Variants in DCAKD observed in about 807,000 individuals in gnomAD.
DCAKD encodes the protein dephospho-CoA kinase domain-containing protein.
DCAKD carries 15 observed loss-of-function variants against 18.7 expected under a neutral mutation model. That is an observed-to-expected ratio of 0.80 (90% confidence interval 0.54 to 1.24). DCAKD has a LOEUF of 1.24. Among genes scored for constraint, DCAKD ranks in the 50% most tolerant of loss-of-function variants. DCAKD has a pLI of 0.00. For missense variants in DCAKD, 301 were observed against 322.0 expected, an observed-to-expected ratio of 0.93 and a Z score of 0.50; for synonymous variants, 130 against 133.0, an observed-to-expected ratio of 0.98 and a Z score of 0.16.
At chr17:45,034,065 A>T in intron 3 of DCAKD, 122 bp downstream of exon 3, 1 of 1,599,206 alleles carries the variant, frequency 6.3e-7, no homozygotes, top group Non-Finnish European at 8.5e-7. Flanking sequence ...GATGCCAGTA[A>T]GCAGTATGAA....
chr17:45,054,255 T>TA (rs2053757013), upstream of DCAKD: 3 of 327,906 alleles, frequency 9.1e-6, no homozygotes, highest in South Asian at 2.6e-5. Context: ...GTTTTATTTA[T>TA]TTTTTTTTTT....
At chr17:45,025,062 C>T (rs565568925) in intron 4 of DCAKD, among the ~76,000 whole-genome samples, 1 of 143,410 alleles carries the variant, frequency 7.0e-6, no homozygotes, top group South Asian at 2.2e-4. Flanking sequence ...TGCTACTAGA[C>T]CTGACATTCC....
intron 3 of DCAKD, 86 bp from the exon 4 acceptor site, chr17:45,030,265 C>A: frequency 5.5e-6 from 7 of 1,276,302 alleles, no homozygotes; most frequent in East Asian, 2.3e-5. Context: ...CCGTCCAGAG[C>A]GCCCAGCAGA....
intron 1 of DCAKD, among the ~76,000 whole-genome samples, chr17:45,058,043 G>A (rs1240451679): frequency 1.4e-5 from 2 of 144,216 alleles, no homozygotes; most frequent in Admixed American, 7.0e-5. Flanking sequence ...GCCTGGGCGT[G>A]GTGGCTCACA....
Position 45,024,401 on chromosome 17 carries a change from G to A in DCAKD, c.*32C>T, listed in dbSNP as rs760023624. 1 of 1,572,394 alleles carries A rather than the reference G, an allele frequency of 6.4e-7. No homozygotes were observed. Among genetic ancestry groups the A allele is most frequent in the Non-Finnish European group, 8.7e-7 (1 of 1,153,750 alleles). On this transcript the variant is annotated 3_prime_UTR_variant, in exon 5 of 5. Transcript: ENST00000651974. ...GCTTCAGCCTCCAAGGAGATAGATG[G>A]AGGCCTGGGGCTCCCTGCCTTGAGT...
chr17:45,052,303 A>C (rs912140868), upstream of DCAKD, among the ~76,000 whole-genome samples: 3 of 152,198 alleles, frequency 2.0e-5, no homozygotes, highest in African/African-American at 7.2e-5. Context: ...CAGCCTTGGC[A>C]GAGGTGATCA....
chr17:45,030,182 G>T lies in DCAKD; in HGVS notation c.317-3C>A. 1 of 1,613,802 alleles carries T rather than the reference G, an allele frequency of 6.2e-7. No individual in the cohort carries two copies. Among genetic ancestry groups the T allele is most frequent in the East Asian group, 2.2e-5 (1 of 44,878 alleles). ...ATCCAGAATCACGTAGCGGTATCCT[G>T]GGGAGAGGTTGGAAATCCCCCAAGT... On this transcript the variant is annotated splice_region_variant and splice_polypyrimidine_tract_variant and intron_variant, in intron 3 of 4. Coordinates refer to ENST00000651974, the MANE Select transcript of DCAKD (RefSeq NM_001288655.2).
rs564475343 is a variant in DCAKD, at chr17:45,038,327, C to A, written c.-114-3328G>T. On this transcript the variant is annotated intron_variant, in intron 1 of 4. Transcript: ENST00000651974. ...TCCTGACCTCAGGTGATCTGCCCAC[C>A]CAGGCAGTTCTGATGTGTAACAGCG... is the stretch of plus-strand genomic sequence containing the variant. Among the ~76,000 whole-genome samples, 21 of 152,266 alleles carry A rather than the reference C, an allele frequency of 1.4e-4. No individual in the cohort carries two copies. The Middle Eastern group carries it at 0.01, about 74-fold the overall frequency.
intron 4 of DCAKD, among the ~76,000 whole-genome samples, chr17:45,028,242 G>A (rs1226955601): frequency 6.6e-6 from 1 of 150,720 alleles, no homozygotes; most frequent in Non-Finnish European, 1.5e-5. Context: ...CCGAGTAGCT[G>A]GGACTACAGG....
At chr17:45,043,941 G>C (rs551061801) in intron 1 of DCAKD, among the ~76,000 whole-genome samples, 5 of 152,146 alleles carry the variant, frequency 3.3e-5, no homozygotes, top group African/African-American at 1.2e-4. Flanking sequence ...AGGAGCCCCC[G>C]GTGCATGAGC....
At chr17:45,054,218 T>C (rs2053756304), upstream of DCAKD, 5 of 500,606 alleles carry the variant, frequency 1.0e-5, no homozygotes, top group East Asian at 5.8e-5. Context: ...ATGTCCCATG[T>C]TGGGGAACTC....
intron 1 of DCAKD, among the ~76,000 whole-genome samples, chr17:45,044,790 C>G (rs1306950733): frequency 6.6e-6 from 1 of 152,196 alleles, no homozygotes; most frequent in African/African-American, 2.4e-5. Context: ...TGTCTCAAGA[C>G]AAGGCTGGTT....
chr17:45,033,386 C>T (rs1194120878), intron 3 of DCAKD, among the ~76,000 whole-genome samples: 2 of 152,140 alleles, frequency 1.3e-5, no homozygotes, highest in African/African-American at 2.4e-5. Flanking sequence ...CCAAACCTGC[C>T]CCTGACTGCA....
intron 1 of DCAKD, among the ~76,000 whole-genome samples, chr17:45,059,614 C>T (rs904917765): frequency 2.6e-5 from 4 of 152,164 alleles, no homozygotes; most frequent in African/African-American, 9.7e-5. Flanking sequence ...ATAGAATACG[C>T]ACTGGAGTCA....
At chr17:45,053,169 T>TAA (rs760029893), upstream of DCAKD, among the ~76,000 whole-genome samples, 1,615 of 75,576 alleles carry the variant, frequency 0.021, 142 homozygotes, top group African/African-American at 0.093. Flanking sequence ...TGTCTCCAGT[T>TAA]AAAAAAAAAA....
chr17:45,047,292 T>C (rs1262978768), intron 1 of DCAKD, among the ~76,000 whole-genome samples: 1 of 151,960 alleles, frequency 6.6e-6, no homozygotes, highest in Non-Finnish European at 1.5e-5. Context: ...ACCCAGCTTA[T>C]TTTTTTCGAG....
rs11290490 is a variant in DCAKD, at chr17:45,047,131, GAA to G, written c.-115+4228_-115+4229del. 4.1e-3 allele frequency among the ~76,000 whole-genome samples: 577 copies of G among 139,702 alleles called. 4 individuals carry two copies. Among genetic ancestry groups the G allele is most frequent in the African/African-American group, 0.013 (493 of 38,200 alleles). 91.6% of individuals were successfully genotyped at this position (139,702 alleles called of 152,430 possible). ...GTTCAAAGAACTGAGTGATATTGCTGAAAAAAAAAAAAAGCCTTCAACTCCTG... is the reference window on the plus strand; with the variant it reads ...GTTCAAAGAACTGAGTGATATTGCTGAAAAAAAAAAAGCCTTCAACTCCTG... On this transcript the variant is annotated intron_variant, in intron 1 of 4. Transcript: ENST00000651974.
At chr17:45,043,648 ACT>A (rs2143317166) in intron 1 of DCAKD, among the ~76,000 whole-genome samples, 2 of 152,348 alleles carry the variant, frequency 1.3e-5, no homozygotes, top group South Asian at 4.1e-4. Flanking sequence ...TCCTGCTGCC[ACT>A]GAGGAGTGCC....
intron 2 of DCAKD, 146 bp downstream of exon 2, chr17:45,034,628 C>G: frequency 1.0e-6 from 1 of 972,644 alleles, no homozygotes; most frequent in Non-Finnish European, 1.5e-6. Flanking sequence ...GCAGAGAAGG[C>G]AAGCACGGGG....
Sources: allele counts gnomAD v4.1 joint callset (sites outside exome capture counted in the v4.1 genomes callset), GRCh38; gene constraint gnomAD v4.1.1; transcripts MANE v1.5; gene names NCBI Gene and HGNC (gene_info 2026-07-23, HGNC 2026-07-21).